The following ZNF423 variants were observed in gnomAD, a reference collection of about 807,000 sequenced individuals.
ZNF423 encodes the protein zinc finger protein 423, also known as Ebf-associated zinc finger protein.
Under a neutral mutation model 95.8 loss-of-function variants are expected in ZNF423, and 12 were observed. The ratio of observed to expected loss-of-function variants is 0.13; its 90% CI spans 0.08 to 0.20. ZNF423 has a LOEUF of 0.20. Ranked by LOEUF, ZNF423 falls within the 10% of genes least tolerant of loss-of-function variation. The probability of loss-of-function intolerance (pLI) is 1.00; values close to 1 mark genes in which losing one functional copy is unlikely to be tolerated. For synonymous variants in ZNF423, 749 were observed against 711.9 expected (o/e 1.05, Z -0.83); for missense variants, 1,316 against 1,737.1 (o/e 0.76, Z 4.31).
chr16:49,766,773 A>G (rs2033937060), intron 2 of ZNF423, among the ~76,000 whole-genome samples: 1 of 152,220 alleles, frequency 6.6e-6, no homozygotes, highest in Non-Finnish European at 1.5e-5. Context: ...GGCCAGGCTC[A>G]TCACAGCACT....
intron 5 of ZNF423, among the ~76,000 whole-genome samples, chr16:49,585,287 C>T (rs1024177527): frequency 3.9e-5 from 6 of 152,134 alleles, no homozygotes; most frequent in African/African-American, 1.4e-4. Context: ...GGTGAGAAAG[C>T]GCTCAGGAGG....
chr16:49,662,325 C>T (rs1439503198), intron 3 of ZNF423, among the ~76,000 whole-genome samples: 1 of 152,174 alleles, frequency 6.6e-6, no homozygotes, highest in African/African-American at 2.4e-5. Context: ...GAAATGATCT[C>T]CTGATGAGCC....
chr16:49,841,069 A>G (rs901342208), intron 1 of ZNF423, among the ~76,000 whole-genome samples: 2 of 152,168 alleles, frequency 1.3e-5, no homozygotes, highest in African/African-American at 2.4e-5. Context: ...CTTACCTGAG[A>G]TTTCCTCCTC....
chr16:49,718,617 T>A (rs2032776615), intron 3 of ZNF423, among the ~76,000 whole-genome samples: 1 of 152,176 alleles, frequency 6.6e-6, no homozygotes, highest in South Asian at 2.1e-4. Flanking sequence ...CTGGATGGCT[T>A]CTAAACCACA....
chr16:49,600,865 C>T (rs760253292), intron 5 of ZNF423, among the ~76,000 whole-genome samples: 5 of 152,166 alleles, frequency 3.3e-5, no homozygotes, highest in Non-Finnish European at 7.3e-5. Flanking sequence ...GGAGGGGCTC[C>T]GGCCCGGCCG....
chr16:49,571,373 A>G (rs1970348787), intron 5 of ZNF423, among the ~76,000 whole-genome samples: 1 of 152,154 alleles, frequency 6.6e-6, no homozygotes, highest in African/African-American at 2.4e-5. Flanking sequence ...CTGCAGCCTG[A>G]GAGATGGATG....
At chr16:49,731,072 A>G in intron 2 of ZNF423, 101 bp from the exon 3 acceptor site, 3 of 1,356,878 alleles carry the variant, frequency 2.2e-6, no homozygotes, top group African/African-American at 1.4e-5. Flanking sequence ...TAATTACTCT[A>G]CCTCCCGGGG....
intron 3 of ZNF423, among the ~76,000 whole-genome samples, chr16:49,639,927 C>A (rs549781659): frequency 6.6e-6 from 1 of 152,304 alleles, no homozygotes; most frequent in East Asian, 1.9e-4. Context: ...CATTCCCCGG[C>A]GGGGGCCGAG....
intron 2 of ZNF423, 112 bp downstream of exon 2, chr16:49,789,375 A>G (rs1313902149): frequency 9.8e-7 from 1 of 1,022,452 alleles, no homozygotes; most frequent in Non-Finnish European, 1.4e-6. Flanking sequence ...GATTGGAGGC[A>G]GGAATGTGAC....
At chr16:49,669,419 A>C (rs2030703998) in intron 3 of ZNF423, among the ~76,000 whole-genome samples, 2 of 152,244 alleles carry the variant, frequency 1.3e-5, no homozygotes, top group South Asian at 2.1e-4. Flanking sequence ...CCAGGCCACC[A>C]TCCCCAATGA....
At position 49,740,496 on chromosome 16, in the gene ZNF423, A is replaced by T. The variant is rs2033392563; in HGVS notation, c.101-9525T>A. Among the ~76,000 whole-genome samples the T allele has an allele frequency of 2.0e-5, 3 of 152,244 alleles. No homozygotes were observed. The South Asian group carries it at 6.2e-4, about 31-fold the overall frequency. The stretch of plus-strand genomic sequence containing the variant: ...TTATCTTCAGGTTTAAAATATTTGC[A>T]GTGCAGGCAGCGGGGTAACATTTAA... On this transcript the variant is annotated intron_variant, in intron 2 of 7. Coordinates refer to ENST00000563137, the MANE Select transcript of ZNF423 (RefSeq NM_001379286.1).
chr16:49,627,212 C>T (rs533948476), intron 4 of ZNF423, among the ~76,000 whole-genome samples: 1 of 148,402 alleles, frequency 6.7e-6, no homozygotes, highest in Non-Finnish European at 1.5e-5. Context: ...ATCCATCCAT[C>T]TACTCCACCC....
intron 5 of ZNF423, among the ~76,000 whole-genome samples, chr16:49,586,939 G>A (rs1970859511): frequency 6.6e-6 from 1 of 152,018 alleles, no homozygotes; most frequent in Admixed American, 6.6e-5. Context: ...CTTGGAGGAG[G>A]GGCAACCTCA....
intron 3 of ZNF423, among the ~76,000 whole-genome samples, chr16:49,644,561 G>A (rs866796231): frequency 6.7e-6 from 1 of 149,936 alleles, no homozygotes; most frequent in Non-Finnish European, 1.5e-5. Context: ...CACTTGGGAG[G>A]CCGAGGCAGG....
chr16:49,497,723 G>A (rs1177428934), intron 7 of ZNF423, among the ~76,000 whole-genome samples: 1 of 152,214 alleles, frequency 6.6e-6, no homozygotes, highest in Admixed American at 6.5e-5. Context: ...CTTTCTCCAG[G>A]AGCTAGGGCC....
chr16:49,693,892 C>T lies in ZNF423; in HGVS notation c.301+36879G>A, dbSNP rs139290252. On this transcript the variant is annotated intron_variant, in intron 3 of 7. Coordinates refer to ENST00000563137, the MANE Select transcript of ZNF423 (RefSeq NM_001379286.1). ...TTTATCCTTAAGCCAGTTTGAGATG[C>T]GACTCTATTCCTTGCAAATGAAAGA... 7.9e-5 allele frequency among the ~76,000 whole-genome samples: 12 copies of T among 152,310 alleles called. No individual in the cohort carries two copies. In the East Asian group the frequency reaches 1.4e-3, roughly 17 times the overall value.
intron 2 of ZNF423, among the ~76,000 whole-genome samples, chr16:49,737,890 G>C (rs866991692): frequency 3.3e-5 from 5 of 152,144 alleles, no homozygotes; most frequent in African/African-American, 1.2e-4. Context: ...TCGTGTCCCG[G>C]GAGTCAGCTA....
chr16:49,517,816 GAGAT>G, intron 7 of ZNF423: 1 of 378,756 alleles, frequency 2.6e-6, no homozygotes, highest in Non-Finnish European at 5.1e-6. Context: ...GCTGTCTTCT[GAGAT>G]AGATATGCTG....
intron 3 of ZNF423, among the ~76,000 whole-genome samples, chr16:49,714,827 G>A (rs80061936): frequency 0.15 from 22,877 of 151,926 alleles, 2,499 homozygotes; most frequent in South Asian, 0.29. Flanking sequence ...ACTGAAGACC[G>A]AAATGCACCC....
Sources: gnomAD v4.1 joint callset for allele counts (sites outside exome capture counted in the v4.1 genomes callset) on GRCh38, gnomAD v4.1.1 for gene constraint, MANE v1.5 for transcripts, NCBI Gene and HGNC (gene_info 2026-07-23, HGNC 2026-07-21) for gene names.